TBCEL: variants seen among roughly 807,000 people sequenced by gnomAD.
TBCEL encodes the protein tubulin-specific chaperone cofactor E-like protein.
Under a neutral mutation model 44.2 loss-of-function variants are expected in TBCEL, and 15 were observed. The observed-to-expected ratio is 0.34, with a 90% CI of 0.23 to 0.52. The LOEUF is 0.52. Ranked by LOEUF, TBCEL falls within the 20% of genes least tolerant of loss-of-function variation. The pLI is 0.95. For missense variants in TBCEL, 319 were observed against 506.3 expected, an observed-to-expected ratio of 0.63 and a Z score of 3.55; for synonymous variants, 171 against 185.4, an observed-to-expected ratio of 0.92 and a Z score of 0.63.
chr11:121,047,684 G>A lies in TBCEL; in HGVS notation c.273+17G>A. 6.2e-7 allele frequency: 1 copy of A among 1,610,930 alleles called. No homozygotes were observed. Among genetic ancestry groups the A allele is most frequent in the African/African-American group, 1.3e-5 (1 of 74,788 alleles). ...TGGCATGAGGTGAAGTTTTTATATT[G>A]CTACATTTTAGTGAAAAGCAGCAAT... On this transcript the variant is annotated intron_variant, in intron 4 of 8. Transcript: ENST00000683345.
chr11:121,026,189 G>A (rs778527659), intron 1 of TBCEL, among the ~76,000 whole-genome samples: 68 of 152,044 alleles, frequency 4.5e-4, no homozygotes, highest in Non-Finnish European at 8.1e-4. Flanking sequence ...TACAGTCTAC[G>A]GCTTTGGTAT....
chr11:121,071,789 AT>A (rs977982730), intron 8 of TBCEL, among the ~76,000 whole-genome samples: 4 of 152,178 alleles, frequency 2.6e-5, no homozygotes, highest in African/African-American at 9.7e-5. Context: ...AGCAGCCTGT[AT>A]TTGGACACCA....
chr11:121,059,922 T>A, intron 7 of TBCEL, 47 bp from the exon 8 acceptor site: 1 of 1,315,544 alleles, frequency 7.6e-7, no homozygotes. Flanking sequence ...TAAAGCTAAA[T>A]ATATTAGTAT....
chr11:121,047,713 C>T (rs1413622932), intron 4 of TBCEL, 46 bp downstream of exon 4: 3 of 1,595,582 alleles, frequency 1.9e-6, no homozygotes, highest in Non-Finnish European at 2.6e-6. Flanking sequence ...CAGCAATAAC[C>T]ATTGTGTCAT....
At chr11:121,041,046 G>A (rs970002486) in intron 2 of TBCEL, among the ~76,000 whole-genome samples, 1 of 152,124 alleles carries the variant, frequency 6.6e-6, no homozygotes, top group Admixed American at 6.5e-5. Flanking sequence ...AGTGAGGCTG[G>A]CAGTGTTCAT....
intron 4 of TBCEL, among the ~76,000 whole-genome samples, chr11:121,052,837 G>T (rs1391060829): frequency 6.6e-6 from 1 of 151,798 alleles, no homozygotes; most frequent in African/African-American, 2.4e-5. Context: ...GTTGTTTTGA[G>T]AATTTAATGA....
chr11:121,033,830 C>CATTTATCTACCTTT (rs1279781268), intron 1 of TBCEL, among the ~76,000 whole-genome samples: 9 of 151,674 alleles, frequency 5.9e-5, no homozygotes, highest in African/African-American at 2.2e-4. Flanking sequence ...CCTCTGGCTC[C>CATTTATCTACCTTT]TGACAATCAC....
At chr11:121,063,899 CTAGTCCTGG>C (rs1435723676) in intron 8 of TBCEL, among the ~76,000 whole-genome samples, 1 of 152,170 alleles carries the variant, frequency 6.6e-6, no homozygotes, top group Non-Finnish European at 1.5e-5. Flanking sequence ...CTTTTTACCA[CTAGTCCTGG>C]TAATACCAGG....
intron 8 of TBCEL, among the ~76,000 whole-genome samples, chr11:121,078,626 G>T (rs537520448): frequency 6.6e-6 from 1 of 152,184 alleles, no homozygotes; most frequent in Admixed American, 6.5e-5. Flanking sequence ...CTCATTTCAT[G>T]CACAGCCTCT....
Position 121,036,630 on chromosome 11 carries a change from G to C in TBCEL, c.-18+18G>C, listed in dbSNP as rs560897567. The C allele has an allele frequency of 2.6e-5, 4 of 152,148 alleles. No individual in the cohort carries two copies. Among genetic ancestry groups the C allele is most frequent in the Non-Finnish European group, 5.9e-5 (4 of 68,028 alleles). 9.4% of individuals were successfully genotyped at this position (152,148 alleles called of 1,614,324 possible). A position where few individuals can be genotyped will look rare whatever the true frequency, so the allele number is the denominator to read the frequency against. ...ACAAACAGGTACTTCAGTCTAAATAGTAGTATTGTCTTAATTTTTTTCCCC... is the reference window on the plus strand; with the variant it reads ...ACAAACAGGTACTTCAGTCTAAATACTAGTATTGTCTTAATTTTTTTCCCC... On this transcript the variant is annotated intron_variant, in intron 2 of 8. Transcript: ENST00000683345.
chr11:121,031,284 G>A (rs1945138656), intron 1 of TBCEL, among the ~76,000 whole-genome samples: 1 of 152,118 alleles, frequency 6.6e-6, no homozygotes, highest in Non-Finnish European at 1.5e-5. Flanking sequence ...CAAGGTGTTT[G>A]TACCAGTTGA....
chr11:121,033,105 C>G (rs1009271758), intron 1 of TBCEL, among the ~76,000 whole-genome samples: 5 of 152,042 alleles, frequency 3.3e-5, no homozygotes, highest in Admixed American at 6.5e-5. Flanking sequence ...ACTAAGTCTT[C>G]TGATAGATGC....
At chr11:121,048,976 G>A (rs997578413) in intron 4 of TBCEL, among the ~76,000 whole-genome samples, 2 of 151,726 alleles carry the variant, frequency 1.3e-5, no homozygotes, top group East Asian at 1.9e-4. Flanking sequence ...TCAGATTATC[G>A]CAGAGCACCT....
chr11:121,079,540 T>G (rs903825976), intron 8 of TBCEL, among the ~76,000 whole-genome samples: 1 of 152,176 alleles, frequency 6.6e-6, no homozygotes, highest in African/African-American at 2.4e-5. Context: ...AATTTTTACA[T>G]CTGTAAATTA....
At chr11:121,024,707 G>A (rs1039792629) in intron 1 of TBCEL, among the ~76,000 whole-genome samples, 1 of 152,170 alleles carries the variant, frequency 6.6e-6, no homozygotes, top group South Asian at 2.1e-4. Context: ...GGGGAAATAG[G>A]AAACTTGTCT....
At chr11:121,058,722 T>C (rs1195655420) in intron 7 of TBCEL, among the ~76,000 whole-genome samples, 3 of 151,894 alleles carry the variant, frequency 2.0e-5, no homozygotes, top group Non-Finnish European at 4.4e-5. Flanking sequence ...TTTTTATGCT[T>C]TTCAATACTT....
intron 5 of TBCEL, 37 bp from the exon 6 acceptor site, chr11:121,055,015 G>A (rs1444013797): frequency 6.9e-7 from 1 of 1,444,720 alleles, no homozygotes; most frequent in African/African-American, 1.4e-5. Flanking sequence ...AAATTAAACT[G>A]CTTTAAACAA....
intron 4 of TBCEL, 56 bp downstream of exon 4, chr11:121,047,723 T>A: frequency 3.2e-6 from 5 of 1,586,752 alleles, no homozygotes; most frequent in Non-Finnish European, 4.3e-6. Flanking sequence ...CATTGTGTCA[T>A]TGTTTATGTT....
intron 4 of TBCEL, among the ~76,000 whole-genome samples, chr11:121,048,708 A>C (rs1945477432): frequency 6.6e-6 from 1 of 151,876 alleles, no homozygotes. Flanking sequence ...CTAGAAACTA[A>C]AGTCTGACTC....
Sources: allele counts gnomAD v4.1 joint callset (sites outside exome capture counted in the v4.1 genomes callset), GRCh38; gene constraint gnomAD v4.1.1; transcripts MANE v1.5; gene names NCBI Gene and HGNC (gene_info 2026-07-23, HGNC 2026-07-21).